The following STPG2 variants were observed in gnomAD, a reference collection of about 807,000 sequenced individuals.
STPG2 encodes the protein sperm-tail PG-rich repeat-containing protein 2.
Under a neutral mutation model 54.2 loss-of-function variants are expected in STPG2, and 56 were observed. The ratio of observed to expected loss-of-function variants is 1.03; its 90% CI spans 0.83 to 1.29. The LOEUF (loss-of-function observed/expected upper bound fraction) is 1.29. Ranked by LOEUF, STPG2 falls within the 50% of genes most tolerant of loss-of-function variation. STPG2 has a pLI of 0.00. For synonymous variants in STPG2, 200 were observed against 181.8 expected (o/e 1.10, Z -0.81); for missense variants, 596 against 544.9 (o/e 1.09, Z -0.93).
rs190774864 is a variant in STPG2, at chr4:97,952,463, G to A, written c.934-8456C>T. The stretch of plus-strand genomic sequence containing the variant: ...GCTGGATTCTTTTGTCCCATGGAGC[G>A]TCCCCTTAATGTGGCATACTTTCCT... On this transcript the variant is annotated intron_variant, in intron 7 of 10. Transcript: ENST00000295268. Among the ~76,000 whole-genome samples the A allele has an allele frequency of 4.2e-4, 64 of 152,276 alleles. No homozygotes were observed. In the South Asian group the frequency reaches 6.4e-3, roughly 15 times the overall value.
chr4:97,533,477 T>G (rs2148854959), intron 4 of STPG2, among the ~76,000 whole-genome samples: 1 of 152,280 alleles, frequency 6.6e-6, no homozygotes, highest in African/African-American at 2.4e-5. Context: ...AAATATAGTT[T>G]GATGTTTTGA....
intron 4 of STPG2, chr4:97,441,676 T>A (rs1221855661): frequency 6.6e-6 from 1 of 152,044 alleles, no homozygotes; most frequent in Non-Finnish European, 1.5e-5. Context: ...TACTCTTTTT[T>A]TCTAACCAAA....
In STPG2 at chr4:97,734,795, G is replaced by A. The variant is rs188925228; in HGVS notation, c.1205-21981C>T. Among the ~76,000 whole-genome samples, 1,008 of 152,130 alleles carry A rather than the reference G, an allele frequency of 6.6e-3. 6 individuals carry two copies. The highest frequency in any genetic ancestry group is 0.01 in the Non-Finnish European group (705 of 67,978). ...CAAACTAAAAAGTTTCTGCACGGCC[G>A]GGGGCGGTGGCTCATGCCTGTAATC... On this transcript the variant is annotated intron_variant, in intron 9 of 10. Transcript: ENST00000295268.
chr4:97,650,000 G>A (rs965458963), intron 10 of STPG2, among the ~76,000 whole-genome samples: 6 of 152,116 alleles, frequency 3.9e-5, no homozygotes, highest in African/African-American at 1.4e-4. Context: ...TGGAGTGATG[G>A]GAGACAGTGA....
At chr4:97,724,908 G>A (rs1724567804) in intron 9 of STPG2, among the ~76,000 whole-genome samples, 1 of 151,990 alleles carries the variant, frequency 6.6e-6, no homozygotes, top group South Asian at 2.1e-4. Context: ...GCTTATGCAG[G>A]TCTTTATTCA....
intron 10 of STPG2, among the ~76,000 whole-genome samples, chr4:97,691,372 C>T (rs867590159): frequency 1.3e-5 from 2 of 152,066 alleles, no homozygotes; most frequent in Admixed American, 6.6e-5. Context: ...GTACAGGCTG[C>T]GTGGGAGCTG....
intron 5 of STPG2, among the ~76,000 whole-genome samples, chr4:98,072,548 A>C (rs1333431414): frequency 1.4e-5 from 2 of 146,416 alleles, no homozygotes; most frequent in South Asian, 4.4e-4. Flanking sequence ...CCCAGAACTT[A>C]CAATAAAAGT....
rs1327997194 is a variant in STPG2, at chr4:98,105,954, T to C, written c.611A>G (p.Lys204Arg). 1 of 1,549,318 alleles carries C rather than the reference T, an allele frequency of 6.5e-7. No homozygotes were observed. Among genetic ancestry groups the C allele is most frequent in the Non-Finnish European group, 8.8e-7 (1 of 1,134,662 alleles). ...YEIIVLQEKKKRFLPMKSITP... is the reference protein window; with the variant it reads ...YEIIVLQEKKRRFLPMKSITP... ...TGCATTAGCCACTTTTCAACTTACC[T>C]TTTTTTTCTCCTGCAATACTATTAT... is the stretch of plus-strand genomic sequence containing the variant. The change falls in exon 5 of 11, where the codon AAG becomes AGG. Residue 204 changes from lysine (K) to arginine (R), a missense_variant and splice_region_variant. Transcript: ENST00000295268.
chr4:98,041,224 T>G (rs1736944419), intron 5 of STPG2, among the ~76,000 whole-genome samples: 1 of 151,820 alleles, frequency 6.6e-6, no homozygotes, highest in African/African-American at 2.4e-5. Flanking sequence ...ATGTTAAGAG[T>G]CTTTTGGAGA....
At chr4:97,799,506 T>C (rs143448460) in intron 9 of STPG2, among the ~76,000 whole-genome samples, 8 of 152,232 alleles carry the variant, frequency 5.3e-5, no homozygotes, top group Non-Finnish European at 8.8e-5. Context: ...TGTTGAATAT[T>C]GGCCCCCACT....
intron 8 of STPG2, among the ~76,000 whole-genome samples, chr4:97,923,605 T>C (rs1193933891): frequency 1.3e-5 from 2 of 152,214 alleles, no homozygotes; most frequent in Non-Finnish European, 2.9e-5. Flanking sequence ...TGTGTCTAGC[T>C]CAAGGTTTGT....
intron 5 of STPG2, among the ~76,000 whole-genome samples, chr4:98,005,241 A>C (rs1735540409): frequency 6.6e-6 from 1 of 152,106 alleles, no homozygotes; most frequent in African/African-American, 2.4e-5. Context: ...ATGCCCACCC[A>C]GATTAGGGGT....
intron 4 of STPG2, among the ~76,000 whole-genome samples, chr4:98,107,162 A>G (rs1275194892): frequency 1.3e-5 from 2 of 152,208 alleles, no homozygotes; most frequent in Non-Finnish European, 1.5e-5. Context: ...CAGAAATGTC[A>G]CATATCATTT....
chr4:97,583,368 A>G lies in STPG2; in HGVS notation c.1321-24251T>C, dbSNP rs933068824. On this transcript the variant is annotated intron_variant, in intron 10 of 10. Transcript: ENST00000295268. The stretch of plus-strand genomic sequence containing the variant: ...TTACAATGCTACACTAAAGTAGAGA[A>G]CTAGTCTCATCATGATGCAGCCATT... 2.6e-5 allele frequency among the ~76,000 whole-genome samples: 4 copies of G among 152,028 alleles called. No individual in the cohort carries two copies. The South Asian group carries it at 8.3e-4, about 31-fold the overall frequency.
chr4:97,962,160 G>A (rs1292097653), intron 7 of STPG2, among the ~76,000 whole-genome samples: 1 of 152,124 alleles, frequency 6.6e-6, no homozygotes, highest in African/African-American at 2.4e-5. Flanking sequence ...TAAGCTACGA[G>A]GAAGCAAAGG....
chr4:97,850,214 T>C (rs1218180425), intron 8 of STPG2, among the ~76,000 whole-genome samples: 1 of 122,282 alleles, frequency 8.2e-6, no homozygotes, highest in Non-Finnish European at 1.6e-5. Flanking sequence ...AGGTGGGAAT[T>C]GAACAATGAG....
chr4:97,922,975 A>G (rs1732163921), intron 8 of STPG2, among the ~76,000 whole-genome samples: 1 of 152,008 alleles, frequency 6.6e-6, no homozygotes, highest in Admixed American at 6.6e-5. Context: ...TTCTCTACAA[A>G]TGTCATTTTA....
At chr4:97,661,035 C>T (rs975177638) in intron 10 of STPG2, among the ~76,000 whole-genome samples, 5 of 151,444 alleles carry the variant, frequency 3.3e-5, no homozygotes, top group African/African-American at 9.7e-5. Context: ...TCTCTAAAAC[C>T]GATATAAAAA....
intron 4 of STPG2, among the ~76,000 whole-genome samples, chr4:97,549,106 T>A (rs1472192141): frequency 1.5e-5 from 1 of 66,646 alleles, no homozygotes; most frequent in African/African-American, 8.8e-5. Context: ...ACTTTTGTGG[T>A]GAACAGATCA....
Sources: allele counts gnomAD v4.1 joint callset (sites outside exome capture counted in the v4.1 genomes callset), GRCh38; gene constraint gnomAD v4.1.1; transcripts MANE v1.5; gene names NCBI Gene and HGNC (gene_info 2026-07-23, HGNC 2026-07-21).